The following FN1 variants were observed in gnomAD, a reference collection of about 807,000 sequenced individuals.
FN1 encodes fibronectin 1.
Under a neutral mutation model 297.3 loss-of-function variants are expected in FN1, and 106 were observed. That is an observed-to-expected ratio of 0.36 (90% confidence interval 0.30 to 0.42). FN1 has a LOEUF of 0.42. Ranked by LOEUF, FN1 falls within the 10% of genes least tolerant of loss-of-function variation. The probability of loss-of-function intolerance (pLI) is 1.00; values close to 1 mark genes in which losing one functional copy is unlikely to be tolerated. For synonymous variants in FN1, 1,149 were observed against 1,152.6 expected, an observed-to-expected ratio of 1.00 and a Z score of 0.06; for missense variants, 2,690 against 3,124.9, an observed-to-expected ratio of 0.86 and a Z score of 3.32.
Position 215,404,535 on chromosome 2 carries a change from C to G in FN1, c.3107G>C (p.Arg1036Thr). Residue 1036 changes from arginine (R) to threonine (T), a missense_variant, in exon 20 of 46, where the codon AGA becomes ACA. Transcript: ENST00000354785. ...CACATTGTACTGCCTGGGCTGTCCT[C>G]TTCGGGTAAGGCCCACGGTCAGTCG... The part of the protein sequence containing the change: ...GYRLTVGLTR[R>T]GQPRQYNVGP... The G allele has an allele frequency of 6.2e-7, 1 of 1,614,128 alleles. No individual in the cohort carries two copies. The highest frequency in any genetic ancestry group is 1.3e-5 in the African/African-American group (1 of 75,050).
chr2:215,381,358 T>C (rs2058185081), intron 32 of FN1: 1 of 472,800 alleles, frequency 2.1e-6, no homozygotes, highest in Non-Finnish European at 3.8e-6. Flanking sequence ...AATTTAAAGA[T>C]ATTCTACCAC....
Position 215,394,591 on chromosome 2 carries a change from C to T in FN1, c.3733G>A (p.Val1245Ile), listed in dbSNP as rs768623043. 1.2e-6 allele frequency: 2 copies of T among 1,614,092 alleles called. No homozygotes were observed. The highest frequency in any genetic ancestry group is 3.3e-5 in the Admixed American group (2 of 60,024). The change falls in exon 24 of 46, where the codon GTC becomes ATC. Residue 1245 changes from valine to isoleucine, a missense_variant. Transcript: ENST00000354785. ...TCATCCTTGACAGTGTAAACACTGA[C>T]ATTGTACTCCAGGCCGGGACTCAGG... Reference protein sequence around the residue: ...DNLSPGLEYNVSVYTVKDDKE... With the variant: ...DNLSPGLEYNISVYTVKDDKE...
At chr2:215,408,631 A>C (rs2062123448) in intron 15 of FN1, among the ~76,000 whole-genome samples, 1 of 152,192 alleles carries the variant, frequency 6.6e-6, no homozygotes, top group Non-Finnish European at 1.5e-5. Flanking sequence ...GCAGTGGCAC[A>C]ATTTCAGCTC....
rs766249142 is a variant in FN1 at position 215,370,327 on chromosome 2, C to T, written c.6820G>A (p.Val2274Ile). ...EALKDQQRHKVREEVVTVGNS... is the reference protein window; with the variant it reads ...EALKDQQRHKIREEVVTVGNS... Reference sequence around the variant, plus strand: ...CCCACGGTAACAACCTCTTCCCGAACCTTATGCCTCTGCTGGTCTTTCAGT... The same window carrying T: ...CCCACGGTAACAACCTCTTCCCGAATCTTATGCCTCTGCTGGTCTTTCAGT... The change falls in exon 41 of 46, where the codon GTT (valine) becomes ATT (isoleucine). Residue 2274 changes from valine (V) to isoleucine (I), a missense_variant. Physicochemically the swap from Val to Ile is conservative, Grantham distance 29. Around this residue, in one of 3 missense-constraint regions of FN1, gnomAD observed 1,743 missense variants for 1,945.2 expected, o/e 0.90. Transcript: ENST00000354785. 1.2e-6 allele frequency: 2 copies of T among 1,614,004 alleles called. No homozygotes were observed. The highest frequency in any genetic ancestry group is 3.3e-5 in the Admixed American group (2 of 60,002).
chr2:215,375,653 G>A lies in FN1; in HGVS notation c.5953C>T (p.Pro1985Ser). 1 of 1,612,876 alleles carries A rather than the reference G, an allele frequency of 6.2e-7. No homozygotes were observed. The highest frequency in any genetic ancestry group is 2.2e-5 in the East Asian group (1 of 44,872). The change falls in exon 37 of 46, where the codon CCT becomes TCT. Residue 1985 changes from proline (P) to serine (S), a missense_variant. Physicochemically the swap from Pro to Ser is moderately conservative, Grantham distance 74. Transcript: ENST00000354785. ...YTLNDNARSSPVVIDASTAID... is the reference protein window; with the variant it reads ...YTLNDNARSSSVVIDASTAID... ...CCAGTGGAGGCGTCGATGACCACAG[G>A]GGAGCTCCGAGCATTGTCATTCAAG...
Position 215,394,612 on chromosome 2 carries a change from T to C in FN1, c.3712A>G (p.Ser1238Gly). 1 of 1,614,130 alleles carries C rather than the reference T, an allele frequency of 6.2e-7. No homozygotes were observed. Among genetic ancestry groups the C allele is most frequent in the Non-Finnish European group, 8.5e-7 (1 of 1,179,980 alleles). Residue 1238 changes from serine to glycine, a missense_variant, in exon 24 of 46, where the codon AGT (serine) becomes GGT (glycine). Ser to Gly is a moderately conservative substitution (Grantham distance 56). Coordinates refer to ENST00000354785, the MANE Select transcript of FN1 (RefSeq NM_212482.4). ...DQSSCTFDNL[S>G]PGLEYNVSVY... is the part of the protein sequence containing the mutation. Reference sequence around the variant, plus strand: ...CTGACATTGTACTCCAGGCCGGGACTCAGGTTATCAAAAGTGCAGGAGCTC... The same window carrying C: ...CTGACATTGTACTCCAGGCCGGGACCCAGGTTATCAAAAGTGCAGGAGCTC...
rs552358670 is a variant in FN1 at position 215,392,866 on chromosome 2, C to T, written c.4069+65G>A. 137 of 1,568,092 alleles carry T rather than the reference C, an allele frequency of 8.7e-5. No homozygotes were observed. In the Middle Eastern group the frequency reaches 9.2e-4, roughly 11 times the overall value. ...CCCCCATGAAACATCCATATTTAACCGGAGTAACTGGTGGCAGCATGCAAC... is the reference window on the plus strand; with the variant it reads ...CCCCCATGAAACATCCATATTTAACTGGAGTAACTGGTGGCAGCATGCAAC... On this transcript the variant is annotated intron_variant, in intron 25 of 45. Transcript: ENST00000354785.
At position 215,397,731 on chromosome 2, in the gene FN1, G is replaced by C. The variant is rs377551589; in HGVS notation, c.3466C>G (p.Leu1156Val). ...GVEYVYTIQVLRDGQERDAPI... is the reference protein window; with the variant it reads ...GVEYVYTIQVVRDGQERDAPI... ...GCATCTCTTTCCTGTCCATCTCTCA[G>C]GACTTGGATGGTGTAGACGTATTCT... Residue 1156 changes from leucine to valine, a missense_variant, in exon 22 of 46, where the codon CTG becomes GTG. By Grantham distance (32) the Leu-to-Val change is conservative. Coordinates refer to ENST00000354785, the MANE Select transcript of FN1 (RefSeq NM_212482.4). 2.7e-5 allele frequency: 43 copies of C among 1,613,996 alleles called. No individual in the cohort carries two copies. The African/African-American group carries it at 5.7e-4, about 22-fold the overall frequency.
chr2:215,425,219 G>A lies in FN1; in HGVS notation c.911C>T (p.Pro304Leu), dbSNP rs2065117716. 2.5e-6 allele frequency: 4 copies of A among 1,614,160 alleles called. No homozygotes were observed. The highest frequency in any genetic ancestry group is 3.4e-6 in the Non-Finnish European group (4 of 1,180,032). ...ACTGTCTGTGACACAGTGGCCATAG[G>A]GAGGAGGCTGGGGGTGAGGCTGCGG... ...YQPQPHPQPPPYGHCVTDSGV... is the reference protein window; with the variant it reads ...YQPQPHPQPPLYGHCVTDSGV... The change falls in exon 7 of 46, where the codon CCC (proline) becomes CTC (leucine). Residue 304 changes from proline to leucine, a missense_variant. Physicochemically the swap from Pro to Leu is moderately conservative, Grantham distance 98. Transcript: ENST00000354785.
intron 40 of FN1, 27 bp downstream of exon 40, chr2:215,371,882 T>A: frequency 6.3e-7 from 1 of 1,575,182 alleles, no homozygotes; most frequent in Non-Finnish European, 8.7e-7. Context: ...TGCTGCCCCA[T>A]GAGAAGTGAA....
intron 17 of FN1, 144 bp downstream of exon 17, chr2:215,407,957 CACACACA>C: frequency 2.2e-5 from 1 of 45,592 alleles, no homozygotes; most frequent in East Asian, 9.5e-4. Flanking sequence ...ACCCCCGCCA[CACACACA>C]CACACACACA....
At position 215,430,800 on chromosome 2, in the gene FN1, C is replaced by A. The variant is rs772202402; in HGVS notation, c.600G>T (p.Thr200=). ...AAGTSYVVGE[T]WEKPYQGWMM... ...TCCAGCCTTGGTAGGGCTTCTCCCA[C>A]GTTTCTCCGACCACATAGGAAGTCC... The change falls in exon 5 of 46, where the codon ACG becomes ACT. Residue 200 remains threonine (T), a synonymous_variant. Coordinates refer to ENST00000354785, the MANE Select transcript of FN1 (RefSeq NM_212482.4). 11 of 1,614,028 alleles carry A rather than the reference C, an allele frequency of 6.8e-6. No homozygotes were observed. The highest frequency in any genetic ancestry group is 1.7e-5 in the Admixed American group (1 of 60,002).
intron 8 of FN1, 113 bp downstream of exon 8, chr2:215,424,033 A>G: frequency 9.2e-7 from 1 of 1,088,834 alleles, no homozygotes; most frequent in Non-Finnish European, 1.4e-6. Context: ...AAACTGAACA[A>G]AAGCGATGCT....
intron 30 of FN1, among the ~76,000 whole-genome samples, 192 bp from the exon 31 acceptor site, chr2:215,383,675 G>A (rs1366889272): frequency 1.3e-5 from 2 of 152,196 alleles, no homozygotes; most frequent in East Asian, 1.9e-4. Context: ...CTATTTTTGA[G>A]ATGGTTGCTT....
intron 26 of FN1, among the ~76,000 whole-genome samples, chr2:215,389,143 G>A (rs1470788543): frequency 6.6e-6 from 1 of 151,398 alleles, no homozygotes; most frequent in African/African-American, 2.4e-5. Flanking sequence ...TTACTCTGTT[G>A]CCCAGGCCGG....
intron 33 of FN1, 107 bp downstream of exon 33, chr2:215,380,704 T>C: frequency 7.7e-7 from 1 of 1,296,410 alleles, no homozygotes; most frequent in Non-Finnish European, 1.1e-6. Context: ...CTAATAATTC[T>C]TTTTCACCCT....
chr2:215,410,632 C>T (rs1474943204), intron 13 of FN1, among the ~76,000 whole-genome samples: 1 of 151,958 alleles, frequency 6.6e-6, no homozygotes, highest in Non-Finnish European at 1.5e-5. Context: ...CTCAGCCTCC[C>T]GAGTAGCTGG....
At position 215,408,372 on chromosome 2, in the gene FN1, T is replaced by A; in HGVS notation, c.2354A>T (p.Lys785Ile). ...TATCTGATAGACATTTACAATGTAT[T>A]TTCGGCCAGGAAGCAGGTCAGGGAT... ...VNIPDLLPGR[K>I]YIVNVYQISE... Residue 785 changes from lysine to isoleucine, a missense_variant, in exon 16 of 46, where the codon AAA becomes ATA. This residue lies in a region of FN1 where 876 missense variants were observed against 1,058.1 expected (regional missense o/e 0.83). Coordinates refer to ENST00000354785, the MANE Select transcript of FN1 (RefSeq NM_212482.4). 1 of 1,614,114 alleles carries A rather than the reference T, an allele frequency of 6.2e-7. No individual in the cohort carries two copies. Among genetic ancestry groups the A allele is most frequent in the Non-Finnish European group, 8.5e-7 (1 of 1,179,984 alleles).
Position 215,424,136 on chromosome 2 carries a change from G to C in FN1, c.1216+10C>G, listed in dbSNP as rs1422996899. The C allele has an allele frequency of 3.1e-6, 5 of 1,613,528 alleles. No individual in the cohort carries two copies. Among genetic ancestry groups the C allele is most frequent in the Non-Finnish European group, 4.2e-6 (5 of 1,179,498 alleles). ...TTCTCACTTCTGTGGCTCCCCCTTGGGACACTCACCAGTGTGGTCTGTGCA... is the reference window on the plus strand; with the variant it reads ...TTCTCACTTCTGTGGCTCCCCCTTGCGACACTCACCAGTGTGGTCTGTGCA... On this transcript the variant is annotated intron_variant, in intron 8 of 45. Transcript: ENST00000354785.
Sources: gnomAD v4.1 joint callset for allele counts (sites outside exome capture counted in the v4.1 genomes callset) on GRCh38, gnomAD v4.1.1 for gene constraint, gnomAD v4.1.1 regional missense constraint, MANE v1.5 for transcripts, NCBI Gene and HGNC (gene_info 2026-07-23, HGNC 2026-07-21) for gene names.